The following VSIG10 variants were observed in gnomAD, a reference collection of about 807,000 sequenced individuals.
VSIG10 encodes V-set and immunoglobulin domain containing 10.
VSIG10 carries 48 observed loss-of-function variants against 58.7 expected under a neutral mutation model. That is an observed-to-expected ratio of 0.82 (90% confidence interval 0.65 to 1.04). The LOEUF (loss-of-function observed/expected upper bound fraction) is 1.04, where lower values mean the gene tolerates loss of function less well. VSIG10 is among the 50% of genes least tolerant of loss of function. The pLI is 0.00. For missense variants in VSIG10, 628 were observed against 670.0 expected (o/e 0.94, Z 0.69); for synonymous variants, 260 against 267.1 (o/e 0.97, Z 0.26).
rs765218643 is a variant in VSIG10 at position 118,095,618 on chromosome 12, C to T, written c.276G>A (p.Ser92=). ...AGATTCCCTCATCTCCCAGGCTCAG[C>T]GATTCAATGTGCAGGGAGGTGGCAT... is the stretch of plus-strand genomic sequence containing the variant. ...LVDATSLHIE[S]LSLGDEGIYT... is the part of the protein sequence containing the mutation. The change falls in exon 2 of 9, where the codon TCG becomes TCA. Residue 92 remains serine (S), a synonymous_variant. Coordinates refer to ENST00000359236, the MANE Select transcript of VSIG10 (RefSeq NM_019086.6). 97 of 1,613,238 alleles carry T rather than the reference C, an allele frequency of 6.0e-5. No homozygotes were observed. Among genetic ancestry groups the T allele is most frequent in the South Asian group, 1.1e-4 (10 of 91,042 alleles).
chr12:118,070,119 T>C (rs918474225), intron 7 of VSIG10, among the ~76,000 whole-genome samples: 1 of 152,186 alleles, frequency 6.6e-6, no homozygotes, highest in African/African-American at 2.4e-5. Flanking sequence ...CATAGGATCA[T>C]AGAGAAGAGT....
intron 2 of VSIG10, among the ~76,000 whole-genome samples, chr12:118,085,388 A>G (rs773969248): frequency 6.6e-6 from 1 of 152,174 alleles, no homozygotes; most frequent in African/African-American, 2.4e-5. Context: ...CTCATTGCTC[A>G]CGTGCGAGCT....
At chr12:118,086,416 C>A (rs777672094) in intron 2 of VSIG10, among the ~76,000 whole-genome samples, 1 of 151,684 alleles carries the variant, frequency 6.6e-6, no homozygotes, top group East Asian at 1.9e-4. Context: ...TGCCATGAGC[C>A]GAGATCATGC....
At chr12:118,082,994 T>C (rs4767659) in intron 2 of VSIG10, among the ~76,000 whole-genome samples, 101,717 of 150,804 alleles carry the variant, frequency 0.67, 36,232 homozygotes, top group African/African-American at 0.91. Flanking sequence ...ATGCCTGTAA[T>C]CCCAGCTACT....
Position 118,069,352 on chromosome 12 carries a change from A to T in VSIG10, c.1347-755T>A, listed in dbSNP as rs554220086. ...TGATCCAACCACCTTGGCCTCCCAG[A>T]GTGCTGAGATTATAGGCATGAGCCA... is the stretch of plus-strand genomic sequence containing the variant. On this transcript the variant is annotated intron_variant, in intron 7 of 8. Coordinates refer to ENST00000359236, the MANE Select transcript of VSIG10 (RefSeq NM_019086.6). Among the ~76,000 whole-genome samples, 13 of 150,826 alleles carry T rather than the reference A, an allele frequency of 8.6e-5. No homozygotes were observed. In the South Asian group the frequency reaches 2.7e-3, roughly 32 times the overall value.
intron 7 of VSIG10, among the ~76,000 whole-genome samples, chr12:118,070,488 C>T (rs867371400): frequency 1.8e-4 from 25 of 139,104 alleles, no homozygotes; most frequent in African/African-American, 4.9e-4. Context: ...GTAGGGATTG[C>T]AGTGAGCTGA....
Position 118,083,980 on chromosome 12 carries a change from C to T in VSIG10, c.362-1551G>A, listed in dbSNP as rs534324230. On this transcript the variant is annotated intron_variant, in intron 2 of 8. Transcript: ENST00000359236. ...AAAAAACACCAAAGAATTTGCCAGG[C>T]GTGGTGGTGCAGGTAAGTAGTCCCA... 4.6e-5 allele frequency among the ~76,000 whole-genome samples: 7 copies of T among 152,168 alleles called. No homozygotes were observed. The South Asian group carries it at 6.2e-4, about 14-fold the overall frequency.
chr12:118,077,436 T>C (rs2032773424), intron 4 of VSIG10, among the ~76,000 whole-genome samples: 1 of 152,166 alleles, frequency 6.6e-6, no homozygotes, highest in South Asian at 2.1e-4. Flanking sequence ...TCTGGACCTA[T>C]CTTACTTGTT....
intron 7 of VSIG10, among the ~76,000 whole-genome samples, chr12:118,068,957 C>G (rs1391386772): frequency 6.6e-6 from 1 of 152,126 alleles, no homozygotes; most frequent in African/African-American, 2.4e-5. Context: ...TTTGGAAGAC[C>G]CAGGTAAAGT....
At position 118,066,623 on chromosome 12, in the gene VSIG10, T is replaced by C. The variant is rs780118172; in HGVS notation, c.*16A>G. Reference sequence around the variant, plus strand: ...CCAAGCTTTCAGAGCAAGACAACCATGGACCATCCTCTTCTTCAGACTGGC... The same window carrying C: ...CCAAGCTTTCAGAGCAAGACAACCACGGACCATCCTCTTCTTCAGACTGGC... On this transcript the variant is annotated 3_prime_UTR_variant, in exon 9 of 9. Transcript: ENST00000359236. 4 of 1,613,696 alleles carry C rather than the reference T, an allele frequency of 2.5e-6. No individual in the cohort carries two copies. Among genetic ancestry groups the C allele is most frequent in the African/African-American group, 2.7e-5 (2 of 74,914 alleles).
chr12:118,090,732 A>G (rs2033269750), intron 2 of VSIG10, among the ~76,000 whole-genome samples: 1 of 152,076 alleles, frequency 6.6e-6, no homozygotes, highest in Non-Finnish European at 1.5e-5. Flanking sequence ...GACTTACTGC[A>G]GTTTTGATCT....
At chr12:118,070,238 T>C (rs1319678723) in intron 7 of VSIG10, among the ~76,000 whole-genome samples, 3 of 152,124 alleles carry the variant, frequency 2.0e-5, no homozygotes, top group Non-Finnish European at 2.9e-5. Flanking sequence ...GGCATGCTCA[T>C]AGTAGTCTTC....
chr12:118,067,469 T>A (rs1053990903), intron 8 of VSIG10, among the ~76,000 whole-genome samples: 41 of 150,516 alleles, frequency 2.7e-4, no homozygotes, highest in Middle Eastern at 3.4e-3. Context: ...CTGGCCTTTT[T>A]TTTTTTTTTT....
chr12:118,099,459 A>G (rs1048240401), intron 1 of VSIG10, among the ~76,000 whole-genome samples: 1 of 152,048 alleles, frequency 6.6e-6, no homozygotes, highest in African/African-American at 2.4e-5. Flanking sequence ...CTGACTCATA[A>G]AAAAAGACCG....
chr12:118,102,930 A>C (rs778535469), intron 1 of VSIG10: 1 of 152,234 alleles, frequency 6.6e-6, no homozygotes, highest in Non-Finnish European at 1.5e-5. Context: ...ATATTTTTGT[A>C]AGCACCCCTC....
rs2032341448 is a variant in VSIG10, at chr12:118,068,377, C to T, written c.1567G>A (p.Asp523Asn). 2 of 1,612,160 alleles carry T rather than the reference C, an allele frequency of 1.2e-6. No homozygotes were observed. Among genetic ancestry groups the T allele is most frequent in the Non-Finnish European group, 1.7e-6 (2 of 1,179,176 alleles). Reference protein sequence around the residue: ...QMGNGFQDLQDDSSEEQSDIV... With the variant: ...QMGNGFQDLQNDSSEEQSDIV... ...GTTTGTTTAAGGAAAAAGAGCTTAC[C>T]TTGAAGATCCTGGAATCCATTTCCC... The change falls in exon 8 of 9, where the codon GAT becomes AAT. Residue 523 changes from aspartate to asparagine, a missense_variant and splice_region_variant. Asp to Asn is a conservative substitution (Grantham distance 23). Transcript: ENST00000359236.
chr12:118,074,022 T>C (rs1454439293), intron 4 of VSIG10, 30 bp from the exon 5 acceptor site: 3 of 1,517,430 alleles, frequency 2.0e-6, no homozygotes, highest in African/African-American at 1.4e-5. Context: ...CAAAGACAAA[T>C]GTTTAAAGAG....
intron 2 of VSIG10, 108 bp from the exon 3 acceptor site, chr12:118,082,537 G>C (rs1451766775): frequency 2.7e-6 from 3 of 1,128,262 alleles, no homozygotes; most frequent in African/African-American, 3.2e-5. Context: ...TGAAGAGTAT[G>C]GTATCTATCT....
At chr12:118,073,664 A>G in intron 5 of VSIG10, 35 bp downstream of exon 5, 26 of 1,538,906 alleles carry the variant, frequency 1.7e-5, no homozygotes, top group Non-Finnish European at 2.0e-5. Context: ...GAAGCTCTGA[A>G]CCCTCCCTCC....
Sources: allele counts gnomAD v4.1 joint callset (sites outside exome capture counted in the v4.1 genomes callset), GRCh38; gene constraint gnomAD v4.1.1; transcripts MANE v1.5; gene names NCBI Gene and HGNC (gene_info 2026-07-23, HGNC 2026-07-21).